SEZ6L: variants seen among roughly 807,000 people sequenced by gnomAD.
The protein encoded by SEZ6L is seizure 6-like protein.
SEZ6L carries 37 observed loss-of-function variants against 106.2 expected under a neutral mutation model. The ratio of observed to expected loss-of-function variants is 0.35; its 90% CI spans 0.27 to 0.46. The LOEUF is 0.46. SEZ6L is among the 20% of genes least tolerant of loss of function. The probability of loss-of-function intolerance (pLI) is 1.00; values close to 1 mark genes in which losing one functional copy is unlikely to be tolerated. For missense variants in SEZ6L, 1,172 were observed against 1,332.8 expected (o/e 0.88, Z 1.88); for synonymous variants, 541 against 570.4 (o/e 0.95, Z 0.73).
intron 1 of SEZ6L, among the ~76,000 whole-genome samples, chr22:26,217,382 G>A (rs1360911157): frequency 6.6e-6 from 1 of 152,152 alleles, no homozygotes; most frequent in Non-Finnish European, 1.5e-5. Flanking sequence ...CGGCCACACT[G>A]ATCTTCTTGT....
At chr22:26,223,130 C>T (rs189339515) in intron 1 of SEZ6L, among the ~76,000 whole-genome samples, 18 of 152,294 alleles carry the variant, frequency 1.2e-4, no homozygotes, top group Non-Finnish European at 2.1e-4. Context: ...TCACCCCAAA[C>T]GTGGTAGTCA....
chr22:26,187,887 A>G (rs896262109), intron 1 of SEZ6L, among the ~76,000 whole-genome samples: 2 of 152,208 alleles, frequency 1.3e-5, no homozygotes, highest in Non-Finnish European at 2.9e-5. Flanking sequence ...CCAGCAAAAG[A>G]CATTTTTACA....
chr22:26,275,278 G>A (rs2080506771), intron 1 of SEZ6L, among the ~76,000 whole-genome samples: 1 of 152,088 alleles, frequency 6.6e-6, no homozygotes, highest in South Asian at 2.1e-4. Flanking sequence ...ATTCTTTATA[G>A]CAATTTCATT....
At chr22:26,367,616 T>C (rs1021952110) in intron 13 of SEZ6L, among the ~76,000 whole-genome samples, 1 of 152,140 alleles carries the variant, frequency 6.6e-6, no homozygotes, top group African/African-American at 2.4e-5. Flanking sequence ...AGTGCTGGGA[T>C]TACCGCATCT....
intron 9 of SEZ6L, among the ~76,000 whole-genome samples, chr22:26,337,872 C>T (rs188613239): frequency 5.3e-5 from 8 of 152,290 alleles, no homozygotes; most frequent in African/African-American, 7.2e-5. Context: ...TGAGGAACTA[C>T]GAGAGGTATG....
At chr22:26,323,245 G>A (rs2082207942) in intron 9 of SEZ6L, among the ~76,000 whole-genome samples, 1 of 152,206 alleles carries the variant, frequency 6.6e-6, no homozygotes, top group Non-Finnish European at 1.5e-5. Context: ...GATTATTGAA[G>A]GTGCTGGTGC....
chr22:26,333,864 C>T (rs1335420004), intron 9 of SEZ6L, among the ~76,000 whole-genome samples: 3 of 152,114 alleles, frequency 2.0e-5, no homozygotes, highest in Non-Finnish European at 1.5e-5. Context: ...AGGAGTTTCC[C>T]AGGTGGAGAA....
At chr22:26,375,327 C>T (rs369107483) in intron 14 of SEZ6L, among the ~76,000 whole-genome samples, 1 of 152,134 alleles carries the variant, frequency 6.6e-6, no homozygotes, top group Admixed American at 6.6e-5. Context: ...ATGGTACGAT[C>T]AGGTTTCAAA....
intron 4 of SEZ6L, among the ~76,000 whole-genome samples, chr22:26,297,827 C>T (rs1428814974): frequency 6.0e-5 from 9 of 150,882 alleles, no homozygotes; most frequent in Admixed American, 4.6e-4. Flanking sequence ...ATTTTCCCTC[C>T]CTTCTCTCTC....
intron 1 of SEZ6L, among the ~76,000 whole-genome samples, chr22:26,260,992 A>C (rs1221061192): frequency 6.6e-6 from 1 of 152,138 alleles, no homozygotes; most frequent in Non-Finnish European, 1.5e-5. Flanking sequence ...AGTGATGTTG[A>C]GCATTTTTTC....
At chr22:26,192,547 C>T (rs765244999) in intron 1 of SEZ6L, among the ~76,000 whole-genome samples, 2 of 152,140 alleles carry the variant, frequency 1.3e-5, no homozygotes, top group Admixed American at 6.5e-5. Flanking sequence ...TTTATGAACA[C>T]TAAATTTAAA....
At chr22:26,203,676 T>C (rs568214293) in intron 1 of SEZ6L, among the ~76,000 whole-genome samples, 1 of 152,280 alleles carries the variant, frequency 6.6e-6, no homozygotes, top group Admixed American at 6.5e-5. Flanking sequence ...ATGGACACTT[T>C]ATTACTCCAT....
At chr22:26,302,725 G>GTGTGAAAT (rs2081494681) in intron 5 of SEZ6L, among the ~76,000 whole-genome samples, 1 of 152,128 alleles carries the variant, frequency 6.6e-6, no homozygotes, top group Admixed American at 6.6e-5. Flanking sequence ...TTTTATCTAT[G>GTGTGAAAT]TGTGAAATCA....
intron 12 of SEZ6L, among the ~76,000 whole-genome samples, chr22:26,352,802 G>T (rs757739166): frequency 9.2e-5 from 14 of 152,152 alleles, no homozygotes; most frequent in African/African-American, 3.4e-4. Flanking sequence ...GTTGCCTGTC[G>T]TTGAAGACAG....
Position 26,383,044 on chromosome 22 carries a change from C to G in SEZ6L, c.*2749C>G, listed in dbSNP as rs893905657. ...TTTAAAAATGCACACACTCAACCCT[C>G]TTTAGCTTGGAGCTCAGCTTTTTGC... On this transcript the variant is annotated 3_prime_UTR_variant, in exon 17 of 17. Transcript: ENST00000248933. 7 of 146,542 alleles carry G rather than the reference C, an allele frequency of 4.8e-5. No homozygotes were observed. Among genetic ancestry groups the G allele is most frequent in the African/African-American group, 1.8e-4 (7 of 39,916 alleles). 9.1% of individuals were successfully genotyped at this position (146,542 alleles called of 1,614,324 possible). A position where few individuals can be genotyped will look rare whatever the true frequency, so the allele number is the denominator to read the frequency against.
At chr22:26,201,204 T>C (rs1014699143) in intron 1 of SEZ6L, among the ~76,000 whole-genome samples, 1 of 151,850 alleles carries the variant, frequency 6.6e-6, no homozygotes, top group Non-Finnish European at 1.5e-5. Flanking sequence ...AGACACTCAA[T>C]AAAAGTTAAC....
chr22:26,292,722 C>T lies in SEZ6L; in HGVS notation c.411C>T (p.Thr137=). 6.2e-7 allele frequency: 1 copy of T among 1,613,902 alleles called. No homozygotes were observed. The highest frequency in any genetic ancestry group is 1.7e-5 in the Admixed American group (1 of 60,030). The change falls in exon 2 of 17, where the codon ACC becomes ACT. Residue 137 remains threonine (T), a synonymous_variant. Transcript: ENST00000248933. The part of the protein sequence containing the change: ...SARKQLRPKA[T]SAATVQRAGS... Reference sequence around the variant, plus strand: ...GGAAGCAGCTGAGGCCCAAGGCCACCTCCGCAGCCACTGTCCAAAGGGCAG... The same window carrying T: ...GGAAGCAGCTGAGGCCCAAGGCCACTTCCGCAGCCACTGTCCAAAGGGCAG...
At chr22:26,269,848 A>G (rs1236667566) in intron 1 of SEZ6L, among the ~76,000 whole-genome samples, 5 of 152,206 alleles carry the variant, frequency 3.3e-5, no homozygotes, top group Non-Finnish European at 7.3e-5. Flanking sequence ...CTCGGCCACC[A>G]GTGTTGTTCC....
chr22:26,369,341 C>CTTTTTTTTTTTTTTTTT lies in SEZ6L; in HGVS notation c.2794+3779_2794+3780insTTTTTTTTTTTTTTTTT. ...ATGACAATGACTTATATAAGCAGTT[C>CTTTTTTTTTTTTTTTTT]TTTTGTTTTTTTTTTTGAGACAGAT... On this transcript the variant is annotated intron_variant, in intron 13 of 16. Transcript: ENST00000248933. Among the ~76,000 whole-genome samples the CTTTTTTTTTTTTTTTTT allele has an allele frequency of 3.7e-3, 388 of 103,496 alleles. 54 individuals are homozygous for CTTTTTTTTTTTTTTTTT. Among genetic ancestry groups the CTTTTTTTTTTTTTTTTT allele is most frequent in the African/African-American group, 6.3e-3 (129 of 20,614 alleles). 67.9% of individuals were successfully genotyped at this position (103,496 alleles called of 152,430 possible).
Sources: allele counts gnomAD v4.1 joint callset (sites outside exome capture counted in the v4.1 genomes callset), GRCh38; gene constraint gnomAD v4.1.1; transcripts MANE v1.5; gene names NCBI Gene and HGNC (gene_info 2026-07-23, HGNC 2026-07-21).